CCDC171: variants seen among roughly 807,000 people sequenced by gnomAD.
CCDC171 encodes coiled-coil domain containing 171.
CCDC171 carries 177 observed loss-of-function variants against 168.2 expected under a neutral mutation model. That is an observed-to-expected ratio of 1.05 (90% CI 0.93 to 1.19). The LOEUF (loss-of-function observed/expected upper bound fraction) is 1.19. Ranked by LOEUF, CCDC171 falls within the 50% of genes most tolerant of loss-of-function variation. The pLI, the probability that CCDC171 is intolerant of heterozygous loss-of-function variation, is 0.00. For missense variants in CCDC171, 1,991 were observed against 1,539.0 expected, an observed-to-expected ratio of 1.29 and a Z score of -4.91; for synonymous variants, 687 against 540.8, an observed-to-expected ratio of 1.27 and a Z score of -3.75.
At chr9:15,928,513 A>G (rs1010073422) in intron 25 of CCDC171, among the ~76,000 whole-genome samples, 8 of 151,838 alleles carry the variant, frequency 5.3e-5, no homozygotes, top group Admixed American at 6.6e-5. Context: ...TCTCACTGTG[A>G]TATCTCTGAC....
At chr9:16,096,954 C>T in the CCDC171 span, among the ~76,000 whole-genome samples, 1 of 151,850 alleles carries the variant, frequency 6.6e-6, no homozygotes, top group Non-Finnish European at 1.5e-5. Flanking sequence ...CTCCCTGATA[C>T]CAAAGGCTGA....
chr9:15,929,539 T>G (rs1826262561), intron 25 of CCDC171, among the ~76,000 whole-genome samples: 2 of 151,716 alleles, frequency 1.3e-5, no homozygotes, highest in Non-Finnish European at 2.9e-5. Context: ...GTCCTTAACT[T>G]TTGTTCCACT....
intron 6 of CCDC171, among the ~76,000 whole-genome samples, chr9:16,028,886 A>G (rs1009111815): frequency 2.0e-5 from 3 of 152,076 alleles, no homozygotes; most frequent in African/African-American, 7.2e-5. Flanking sequence ...GGCACTTCCA[A>G]CCAACCTTCT....
intron 6 of CCDC171, among the ~76,000 whole-genome samples, chr9:15,603,780 G>T (rs2043033834): frequency 6.6e-6 from 1 of 152,052 alleles, no homozygotes; most frequent in African/African-American, 2.4e-5. Context: ...TAATGGGATT[G>T]CTGGGTCAAA....
At chr9:15,724,437 A>G (rs922398382) in intron 13 of CCDC171, among the ~76,000 whole-genome samples, 2 of 152,160 alleles carry the variant, frequency 1.3e-5, no homozygotes, top group Admixed American at 6.6e-5. Flanking sequence ...TAAATGTAAG[A>G]TATTTATTTT....
chr9:15,930,639 C>A (rs1384615377), intron 25 of CCDC171, among the ~76,000 whole-genome samples: 1 of 151,456 alleles, frequency 6.6e-6, no homozygotes, highest in Non-Finnish European at 1.5e-5. Flanking sequence ...TTAGGCCTAG[C>A]AAAAAGTAAG....
chr9:15,938,922 G>T (rs1410058144), intron 25 of CCDC171, among the ~76,000 whole-genome samples: 4 of 151,584 alleles, frequency 2.6e-5, no homozygotes, highest in Non-Finnish European at 5.9e-5. Flanking sequence ...ATACACAATA[G>T]ATTTTATTTA....
At chr9:15,902,436 A>C (rs1489761369) in intron 24 of CCDC171, among the ~76,000 whole-genome samples, 1 of 152,208 alleles carries the variant, frequency 6.6e-6, no homozygotes, top group African/African-American at 2.4e-5. Flanking sequence ...TTCTAGGCAA[A>C]ATTTAAATTA....
chr9:15,732,908 A>AT (rs376801141), intron 16 of CCDC171, among the ~76,000 whole-genome samples: 26 of 152,240 alleles, frequency 1.7e-4, no homozygotes, highest in African/African-American at 6.0e-4. Flanking sequence ...TGACTATATC[A>AT]TTTTGCACTC....
intron 21 of CCDC171, among the ~76,000 whole-genome samples, chr9:15,844,798 A>G (rs2060827131): frequency 6.6e-6 from 1 of 152,102 alleles, no homozygotes. Context: ...CTTCTTTGAA[A>G]GTATATGATA....
intron 6 of CCDC171, among the ~76,000 whole-genome samples, chr9:16,024,572 G>A (rs966112545): frequency 6.6e-6 from 1 of 152,180 alleles, no homozygotes; most frequent in African/African-American, 2.4e-5. Flanking sequence ...ACCTAGCAAC[G>A]CAGGTTCAGA....
intron 23 of CCDC171, among the ~76,000 whole-genome samples, chr9:15,857,588 A>G (rs1483146695): frequency 1.3e-5 from 2 of 151,732 alleles, no homozygotes; most frequent in Non-Finnish European, 2.9e-5. Flanking sequence ...ATGACCGGCT[A>G]ATTTTTATAT....
At chr9:15,754,471 C>T (rs147445239) in intron 18 of CCDC171, among the ~76,000 whole-genome samples, 1 of 152,056 alleles carries the variant, frequency 6.6e-6, no homozygotes, top group Non-Finnish European at 1.5e-5. Context: ...TAGTTGTCAC[C>T]TTATTACTCA....
intron 18 of CCDC171, 136 bp downstream of exon 18, chr9:15,745,767 G>C: frequency 2.0e-6 from 1 of 497,580 alleles, no homozygotes. Flanking sequence ...CAGTCATAGA[G>C]AGATTGTTAA....
chr9:16,063,271 G>C (rs1833956245), downstream of CCDC171, among the ~76,000 whole-genome samples: 1 of 152,150 alleles, frequency 6.6e-6, no homozygotes, highest in African/African-American at 2.4e-5. Flanking sequence ...CCCAGGCAGA[G>C]GTAAAATGCT....
chr9:15,683,639 T>G (rs1461872741), intron 10 of CCDC171, among the ~76,000 whole-genome samples: 1 of 152,114 alleles, frequency 6.6e-6, no homozygotes, highest in Non-Finnish European at 1.5e-5. Context: ...AAATATTCCT[T>G]TTAGGAGGCT....
At chr9:15,834,493 A>G (rs960801322) in intron 21 of CCDC171, among the ~76,000 whole-genome samples, 14 of 152,206 alleles carry the variant, frequency 9.2e-5, no homozygotes, top group African/African-American at 2.9e-4. Flanking sequence ...ACTACTTAAG[A>G]TGTTATTTCG....
chr9:15,791,620 T>C (rs941199733), intron 21 of CCDC171, among the ~76,000 whole-genome samples: 1 of 152,172 alleles, frequency 6.6e-6, no homozygotes, highest in Non-Finnish European at 1.5e-5. Flanking sequence ...TGGTCAGAAC[T>C]TCCAACACTA....
At chr9:15,809,437 T>G (rs1284466917) in intron 21 of CCDC171, among the ~76,000 whole-genome samples, 5 of 152,182 alleles carry the variant, frequency 3.3e-5, no homozygotes, top group Non-Finnish European at 7.4e-5. Flanking sequence ...AGCTACAGAC[T>G]CTCGTGGTGA....
Sources: allele counts gnomAD v4.1 joint callset (sites outside exome capture counted in the v4.1 genomes callset), GRCh38; gene constraint gnomAD v4.1.1; transcripts MANE v1.5; gene names NCBI Gene and HGNC (gene_info 2026-07-23, HGNC 2026-07-21).